Variants in EYS observed in about 807,000 individuals in gnomAD.
EYS encodes the protein protein eyes shut homolog.
Under a neutral mutation model 282.1 loss-of-function variants are expected in EYS, and 250 were observed. That is an observed-to-expected ratio of 0.89 (90% confidence interval 0.80 to 0.98). The LOEUF (loss-of-function observed/expected upper bound fraction) is 0.98. Ranked by LOEUF, EYS falls within the 50% of genes least tolerant of loss-of-function variation. The pLI is 0.00. For synonymous variants in EYS, 1,355 were observed against 1,282.9 expected, an observed-to-expected ratio of 1.06 and a Z score of -1.20; for missense variants, 4,016 against 3,709.0, an observed-to-expected ratio of 1.08 and a Z score of -2.15.
At chr6:65,409,184 G>A (rs913679850) in intron 5 of EYS, among the ~76,000 whole-genome samples, 1 of 152,118 alleles carries the variant, frequency 6.6e-6, no homozygotes, top group Non-Finnish European at 1.5e-5. Flanking sequence ...CACTTGAAGG[G>A]ATGTGAAAGC....
intron 33 of EYS, among the ~76,000 whole-genome samples, chr6:64,063,495 C>T (rs1214702158): frequency 1.3e-5 from 2 of 152,132 alleles, no homozygotes; most frequent in Non-Finnish European, 2.9e-5. Flanking sequence ...AAATATGTCA[C>T]TTTAGTCCAA....
intron 35 of EYS, among the ~76,000 whole-genome samples, chr6:63,869,303 G>A (rs1772742839): frequency 6.6e-6 from 1 of 152,006 alleles, no homozygotes; most frequent in Non-Finnish European, 1.5e-5. Flanking sequence ...TAATCTTGTA[G>A]GCATTTTGCA....
intron 29 of EYS, among the ~76,000 whole-genome samples, chr6:64,333,224 C>T (rs1770707395): frequency 6.6e-6 from 1 of 152,110 alleles, no homozygotes; most frequent in South Asian, 2.1e-4. Context: ...TGGTGAACCC[C>T]TAATGCTATC....
chr6:64,140,014 A>T (rs1376412420), intron 31 of EYS, among the ~76,000 whole-genome samples: 1 of 150,724 alleles, frequency 6.6e-6, no homozygotes, highest in East Asian at 1.9e-4. Flanking sequence ...AATAAATAGG[A>T]TAATGGACAA....
chr6:64,972,537 T>A (rs1208891891), intron 14 of EYS, among the ~76,000 whole-genome samples: 1 of 152,060 alleles, frequency 6.6e-6, no homozygotes, highest in Non-Finnish European at 1.5e-5. Flanking sequence ...CTCTACTCAA[T>A]GTGAAGACAA....
chr6:65,277,921 T>G (rs1465198897), intron 12 of EYS, among the ~76,000 whole-genome samples: 6 of 152,130 alleles, frequency 3.9e-5, no homozygotes, highest in Admixed American at 3.9e-4. Flanking sequence ...CACATGGTAC[T>G]CAGATATTTG....
At chr6:64,955,111 C>T (rs1386712710) in intron 14 of EYS, among the ~76,000 whole-genome samples, 1 of 151,924 alleles carries the variant, frequency 6.6e-6, no homozygotes, top group Non-Finnish European at 1.5e-5. Flanking sequence ...ACCTGGGAGG[C>T]GGAGGCAGCA....
At chr6:65,054,202 A>G (rs1322231544) in intron 13 of EYS, among the ~76,000 whole-genome samples, 1 of 152,002 alleles carries the variant, frequency 6.6e-6, no homozygotes, top group Admixed American at 6.6e-5. Flanking sequence ...TGGTTGCTGT[A>G]AAGAACAAAG....
intron 2 of EYS, among the ~76,000 whole-genome samples, chr6:65,508,279 A>G (rs1156265388): frequency 1.3e-5 from 2 of 152,144 alleles, no homozygotes; most frequent in Admixed American, 6.6e-5. Context: ...ATGGTAACGT[A>G]TAAGAGAGGG....
rs115184370 is a variant in EYS at position 65,422,619 on chromosome 6, T to A, written c.863-17252A>T. Among the ~76,000 whole-genome samples, 825 of 151,948 alleles carry A rather than the reference T, an allele frequency of 5.4e-3. 9 individuals carry two copies. The highest frequency in any genetic ancestry group is 0.018 in the African/African-American group (755 of 41,504). ...AACAAAAAAACTGCTGCTACCTAATTGCCAGAGTGGCTGAAATAAACATCT... is the reference window on the plus strand; with the variant it reads ...AACAAAAAAACTGCTGCTACCTAATAGCCAGAGTGGCTGAAATAAACATCT... On this transcript the variant is annotated intron_variant, in intron 5 of 42. Transcript: ENST00000503581.
chr6:64,462,915 T>G (rs1775793476), intron 26 of EYS, among the ~76,000 whole-genome samples: 1 of 151,878 alleles, frequency 6.6e-6, no homozygotes, highest in East Asian at 1.9e-4. Flanking sequence ...CAGAACTGCT[T>G]TCAAGTATAG....
intron 24 of EYS, among the ~76,000 whole-genome samples, chr6:64,615,439 C>T (rs914832528): frequency 1.3e-5 from 2 of 151,970 alleles, no homozygotes; most frequent in African/African-American, 4.8e-5. Context: ...ATTTAACGTG[C>T]TACAAATATT....
At chr6:65,557,148 G>T (rs2127340673) in intron 2 of EYS, among the ~76,000 whole-genome samples, 1 of 152,218 alleles carries the variant, frequency 6.6e-6, no homozygotes, top group East Asian at 1.9e-4. Flanking sequence ...CACTTCACCA[G>T]CCAGACACCT....
chr6:64,375,466 A>G (rs753781739), intron 29 of EYS, among the ~76,000 whole-genome samples: 3 of 152,246 alleles, frequency 2.0e-5, no homozygotes, highest in Non-Finnish European at 4.4e-5. Context: ...ATAACTATTT[A>G]TGCCTCTCGG....
intron 12 of EYS, among the ~76,000 whole-genome samples, chr6:65,106,168 T>G (rs181279976): frequency 5.0e-4 from 76 of 152,082 alleles, no homozygotes; most frequent in African/African-American, 1.7e-3. Flanking sequence ...ATGAGAATAT[T>G]AAAAGACTTC....
At chr6:65,009,388 T>C (rs1216333952) in intron 13 of EYS, among the ~76,000 whole-genome samples, 1 of 152,170 alleles carries the variant, frequency 6.6e-6, no homozygotes, top group Non-Finnish European at 1.5e-5. Flanking sequence ...ATGATGCCAT[T>C]GTCCCTCTAT....
chr6:63,960,428 G>T (rs1441725667), intron 35 of EYS, among the ~76,000 whole-genome samples: 2 of 152,208 alleles, frequency 1.3e-5, no homozygotes, highest in African/African-American at 2.4e-5. Flanking sequence ...CAGTGAAGAT[G>T]CTATGAATAT....
At chr6:65,229,914 G>T (rs535879151) in intron 12 of EYS, among the ~76,000 whole-genome samples, 1 of 152,024 alleles carries the variant, frequency 6.6e-6, no homozygotes, top group East Asian at 1.9e-4. Flanking sequence ...AAGTGCACAT[G>T]GGTCTTGCCA....
chr6:65,012,408 G>A (rs1469423871), intron 13 of EYS, among the ~76,000 whole-genome samples: 1 of 152,096 alleles, frequency 6.6e-6, no homozygotes, highest in Non-Finnish European at 1.5e-5. Context: ...TCACTAAAAT[G>A]TACAGTACAT....
Sources: allele counts gnomAD v4.1 joint callset (sites outside exome capture counted in the v4.1 genomes callset), GRCh38; gene constraint gnomAD v4.1.1; transcripts MANE v1.5; gene names NCBI Gene and HGNC (gene_info 2026-07-23, HGNC 2026-07-21).